Variants in AEBP2 observed in about 807,000 individuals in gnomAD.
AEBP2 encodes AE binding protein 2.
AEBP2 carries 10 observed loss-of-function variants against 50.8 expected under a neutral mutation model. The ratio of observed to expected loss-of-function variants is 0.20; its 90% CI spans 0.12 to 0.33. The LOEUF is 0.33. Ranked by LOEUF, AEBP2 falls within the 10% of genes least tolerant of loss-of-function variation. The pLI is 1.00. For missense variants in AEBP2, 570 were observed against 688.0 expected (o/e 0.83, Z 1.92); for synonymous variants, 296 against 261.3 (o/e 1.13, Z -1.28).
At chr12:19,468,065 GAA>G (rs954016492) in intron 2 of AEBP2, among the ~76,000 whole-genome samples, 1 of 151,088 alleles carries the variant, frequency 6.6e-6, no homozygotes, top group Non-Finnish European at 1.5e-5. Flanking sequence ...AAAAGAAAAA[GAA>G]AATAAAAATT....
At chr12:19,446,554 C>G (rs538325867) in intron 1 of AEBP2, among the ~76,000 whole-genome samples, 1 of 151,970 alleles carries the variant, frequency 6.6e-6, no homozygotes, top group Non-Finnish European at 1.5e-5. Flanking sequence ...ACGGTGAAAC[C>G]CCGTCTCTAC....
chr12:19,475,106 G>A (rs972333568), intron 3 of AEBP2, among the ~76,000 whole-genome samples: 1 of 152,110 alleles, frequency 6.6e-6, no homozygotes, highest in Non-Finnish European at 1.5e-5. Flanking sequence ...TGGGGAACAG[G>A]TGGTTTTTGG....
intron 3 of AEBP2, among the ~76,000 whole-genome samples, chr12:19,473,566 T>A (rs1948603394): frequency 6.6e-6 from 1 of 151,996 alleles, no homozygotes; most frequent in South Asian, 2.1e-4. Context: ...CCACCACACC[T>A]GGCTAATTTT....
intron 1 of AEBP2, among the ~76,000 whole-genome samples, chr12:19,434,148 T>A (rs2095753023): frequency 6.7e-6 from 1 of 149,656 alleles, no homozygotes; most frequent in African/African-American, 2.5e-5. Flanking sequence ...CCCAGCCAAC[T>A]CTAGTTTTTT....
At chr12:19,422,446 T>C (rs1234454006) in intron 1 of AEBP2, among the ~76,000 whole-genome samples, 1 of 152,064 alleles carries the variant, frequency 6.6e-6, no homozygotes, top group Admixed American at 6.6e-5. Flanking sequence ...AAGGATTTTT[T>C]AAAAAATTTA....
intron 3 of AEBP2, among the ~76,000 whole-genome samples, chr12:19,478,690 AT>A (rs1213372723): frequency 7.9e-5 from 12 of 152,122 alleles, no homozygotes; most frequent in African/African-American, 2.7e-4. Flanking sequence ...TGTTCAAATA[AT>A]TTTTTAATTT....
intron 1 of AEBP2, among the ~76,000 whole-genome samples, chr12:19,410,776 T>C (rs1412452419): frequency 6.6e-6 from 1 of 152,178 alleles, no homozygotes; most frequent in Non-Finnish European, 1.5e-5. Context: ...TTTCAGCCCA[T>C]GCGGATCTCA....
At chr12:19,448,826 T>C (rs900938841) in intron 1 of AEBP2, among the ~76,000 whole-genome samples, 5 of 152,028 alleles carry the variant, frequency 3.3e-5, no homozygotes, top group Non-Finnish European at 5.9e-5. Flanking sequence ...GCTACAGGCA[T>C]GCACTACCAT....
chr12:19,407,275 C>T (rs1005768929), intron 1 of AEBP2, among the ~76,000 whole-genome samples: 9 of 152,010 alleles, frequency 5.9e-5, no homozygotes, highest in East Asian at 5.8e-4. Flanking sequence ...CACTTCAGCT[C>T]GGGTGACACA....
At chr12:19,443,309 G>T (rs1947997571) in intron 1 of AEBP2, among the ~76,000 whole-genome samples, 1 of 151,594 alleles carries the variant, frequency 6.6e-6, no homozygotes, top group Non-Finnish European at 1.5e-5. Flanking sequence ...TGTCCAGGCT[G>T]GTCTTGAAAT....
At chr12:19,488,005 T>C (rs1226581808) in intron 3 of AEBP2, among the ~76,000 whole-genome samples, 1 of 152,186 alleles carries the variant, frequency 6.6e-6, no homozygotes, top group Non-Finnish European at 1.5e-5. Flanking sequence ...CCTTGCACAT[T>C]GCATATGTAT....
At chr12:19,494,279 G>A (rs1948937488) in intron 4 of AEBP2, among the ~76,000 whole-genome samples, 2 of 152,034 alleles carry the variant, frequency 1.3e-5, no homozygotes, top group Non-Finnish European at 2.9e-5. Context: ...AAATATTTTA[G>A]AAAATTTGAA....
rs11044593 is a variant in AEBP2, at chr12:19,477,741, T to C, written c.987+4386T>C. Among the ~76,000 whole-genome samples, 1,035 of 152,278 alleles carry C rather than the reference T, an allele frequency of 6.8e-3. 13 individuals carry two copies. Among genetic ancestry groups the C allele is most frequent in the African/African-American group, 0.023 (968 of 41,546 alleles). Reference sequence around the variant, plus strand: ...TATCAGGGATATTGGTCTGTAGATTTATTTTTTTGTTATGTCCTTTCCTGA... The same window carrying C: ...TATCAGGGATATTGGTCTGTAGATTCATTTTTTTGTTATGTCCTTTCCTGA... On this transcript the variant is annotated intron_variant, in intron 3 of 7. Transcript: ENST00000266508.
chr12:19,498,399 T>C (rs1475025030), intron 4 of AEBP2, among the ~76,000 whole-genome samples: 1 of 152,224 alleles, frequency 6.6e-6, no homozygotes, highest in Non-Finnish European at 1.5e-5. Flanking sequence ...GGTGTTTTGT[T>C]TATTTTTTCT....
At position 19,518,702 on chromosome 12, in the gene AEBP2, G is replaced by T; in HGVS notation, c.*585G>T. ...CTCTGATAAGAAAAGTGTTCAATTT[G>T]TATTTAAGCAAACAGTGAACGACGT... On this transcript the variant is annotated 3_prime_UTR_variant, in exon 8 of 8. Transcript: ENST00000266508. 6.7e-7 allele frequency: 1 copy of T among 1,490,736 alleles called. No individual in the cohort carries two copies. The highest frequency in any genetic ancestry group is 1.3e-5 in the South Asian group (1 of 76,846). 92.3% of individuals were successfully genotyped at this position (1,490,736 alleles called of 1,614,324 possible). A position where few individuals can be genotyped will look rare whatever the true frequency, so the allele number is the denominator to read the frequency against.
intron 5 of AEBP2, among the ~76,000 whole-genome samples, chr12:19,510,453 T>G (rs1046602367): frequency 1.3e-5 from 2 of 152,100 alleles, no homozygotes; most frequent in African/African-American, 4.8e-5. Context: ...GGCAGGAAAG[T>G]GTTGGGATGG....
At chr12:19,448,161 C>G (rs914358312) in intron 1 of AEBP2, among the ~76,000 whole-genome samples, 3 of 152,192 alleles carry the variant, frequency 2.0e-5, no homozygotes, top group African/African-American at 7.2e-5. Context: ...CTCTGCTTGA[C>G]CTCCCAAAGT....
At chr12:19,486,897 A>G (rs150733500) in intron 3 of AEBP2, among the ~76,000 whole-genome samples, 1 of 152,034 alleles carries the variant, frequency 6.6e-6, no homozygotes, top group African/African-American at 2.4e-5. Flanking sequence ...GCCTCCAACG[A>G]TCTACCCGCC....
intron 2 of AEBP2, among the ~76,000 whole-genome samples, chr12:19,465,880 C>T (rs1948464703): frequency 6.7e-6 from 1 of 149,106 alleles, no homozygotes; most frequent in Non-Finnish European, 1.5e-5. Flanking sequence ...CAGCCTCCGT[C>T]TCCTGGGTTC....
Sources: allele counts gnomAD v4.1 joint callset (sites outside exome capture counted in the v4.1 genomes callset), GRCh38; gene constraint gnomAD v4.1.1; transcripts MANE v1.5; gene names NCBI Gene and HGNC (gene_info 2026-07-23, HGNC 2026-07-21).